Variants in SLC8A1 observed in about 807,000 individuals in gnomAD.
The protein encoded by SLC8A1 is solute carrier family 8 member A1.
Under a neutral mutation model 68.3 loss-of-function variants are expected in SLC8A1, and 18 were observed. The ratio of observed to expected loss-of-function variants is 0.26; its 90% confidence interval spans 0.18 to 0.39. SLC8A1 has a LOEUF of 0.39. SLC8A1 is among the 10% of genes least tolerant of loss of function. SLC8A1 has a pLI of 1.00. For missense variants in SLC8A1, 985 were observed against 1,156.7 expected, an observed-to-expected ratio of 0.85 and a Z score of 2.15; for synonymous variants, 475 against 415.5, an observed-to-expected ratio of 1.14 and a Z score of -1.74.
chr2:40,242,654 C>T (rs963671193), intron 2 of SLC8A1, among the ~76,000 whole-genome samples: 2 of 152,200 alleles, frequency 1.3e-5, no homozygotes, highest in Non-Finnish European at 2.9e-5. Flanking sequence ...TCAACATTTA[C>T]TCATGGTATT....
intron 2 of SLC8A1, among the ~76,000 whole-genome samples, chr2:40,340,867 G>A (rs890293668): frequency 9.9e-5 from 15 of 152,106 alleles, no homozygotes; most frequent in Admixed American, 4.6e-4. Context: ...GAGATAGCAC[G>A]CACCCCTCTC....
chr2:40,211,895 C>G (rs1004835086), intron 2 of SLC8A1, among the ~76,000 whole-genome samples: 8 of 152,104 alleles, frequency 5.3e-5, no homozygotes, highest in African/African-American at 1.9e-4. Context: ...CTGTCACACA[C>G]TAAAAACATA....
intron 2 of SLC8A1, among the ~76,000 whole-genome samples, chr2:40,366,804 G>C (rs758450155): frequency 2.0e-5 from 3 of 150,080 alleles, no homozygotes; most frequent in Non-Finnish European, 3.0e-5. Flanking sequence ...TGAAAATGTT[G>C]ATGAAAATAT....
chr2:40,410,359 A>C (rs1389119497), intron 2 of SLC8A1, among the ~76,000 whole-genome samples: 1 of 152,146 alleles, frequency 6.6e-6, no homozygotes, highest in Non-Finnish European at 1.5e-5. Context: ...CACATTGAAA[A>C]TAATTTCATT....
intron 2 of SLC8A1, among the ~76,000 whole-genome samples, chr2:40,270,541 A>T (rs2065899596): frequency 6.6e-6 from 1 of 152,120 alleles, no homozygotes; most frequent in Admixed American, 6.5e-5. Context: ...AGTCAGCAAC[A>T]TTGCATCTCT....
intron 2 of SLC8A1, among the ~76,000 whole-genome samples, chr2:40,308,801 A>T (rs78641931): frequency 0.025 from 3,775 of 152,244 alleles, 152 homozygotes; most frequent in African/African-American, 0.085. Context: ...AACGCTGCAA[A>T]GGGCAAAACT....
At chr2:40,400,885 G>A (rs962681648) in intron 2 of SLC8A1, among the ~76,000 whole-genome samples, 2 of 152,170 alleles carry the variant, frequency 1.3e-5, no homozygotes, top group Non-Finnish European at 2.9e-5. Flanking sequence ...AGCAAAGGCA[G>A]GAAATGGGCA....
chr2:40,386,756 C>T lies in SLC8A1; in HGVS notation c.1808+41717G>A, dbSNP rs1000749879. 1.3e-5 allele frequency among the ~76,000 whole-genome samples: 2 copies of T among 150,850 alleles called. 1 individual carries two copies. Among genetic ancestry groups the T allele is most frequent in the African/African-American group, 4.9e-5 (2 of 40,474 alleles). ...CCATGATGGATGAGCATTGGTTACT[C>T]CTCATTGCTGGAGGTTTTATAAGCA... On this transcript the variant is annotated intron_variant, in intron 2 of 7. Transcript: ENST00000406785.
intron 2 of SLC8A1, among the ~76,000 whole-genome samples, chr2:40,332,301 T>G (rs1304314328): frequency 6.6e-6 from 1 of 152,102 alleles, no homozygotes; most frequent in African/African-American, 2.4e-5. Context: ...AAGAGCTCTG[T>G]TTTTCATTAA....
intron 2 of SLC8A1, among the ~76,000 whole-genome samples, chr2:40,325,795 A>G (rs985236835): frequency 6.7e-6 from 1 of 150,068 alleles, no homozygotes; most frequent in East Asian, 1.9e-4. Flanking sequence ...AAAAAAAAAA[A>G]AAAAAAAAAG....
intron 2 of SLC8A1, among the ~76,000 whole-genome samples, chr2:40,416,331 C>T (rs1382215207): frequency 1.3e-5 from 2 of 152,102 alleles, no homozygotes; most frequent in Non-Finnish European, 2.9e-5. Context: ...TATAATTCTA[C>T]AAGTTCATAA....
At chr2:40,474,305 A>G (rs146554862) in intron 1 of SLC8A1, among the ~76,000 whole-genome samples, 254 of 152,312 alleles carry the variant, frequency 1.7e-3, no homozygotes, top group Non-Finnish European at 2.9e-3. Flanking sequence ...TCTTTGGGAC[A>G]TGTATTTAAT....
intron 2 of SLC8A1, among the ~76,000 whole-genome samples, chr2:40,312,630 T>C (rs943087165): frequency 6.6e-6 from 1 of 152,162 alleles, no homozygotes; most frequent in Non-Finnish European, 1.5e-5. Flanking sequence ...TCTATAAGGA[T>C]GGACTTCTGA....
chr2:40,216,401 T>C (rs1341430591), intron 2 of SLC8A1, among the ~76,000 whole-genome samples: 1 of 152,200 alleles, frequency 6.6e-6, no homozygotes, highest in Non-Finnish European at 1.5e-5. Flanking sequence ...ATCTAGTCTA[T>C]CATTGATGGG....
At chr2:40,224,642 C>T (rs1457328236) in intron 2 of SLC8A1, among the ~76,000 whole-genome samples, 1 of 152,064 alleles carries the variant, frequency 6.6e-6, no homozygotes, top group East Asian at 1.9e-4. Flanking sequence ...ATTGCTTAGG[C>T]TTTGAGTTAG....
At position 40,247,961 on chromosome 2, in the gene SLC8A1, G is replaced by A. The variant is rs1168577529; in HGVS notation, c.1809-70106C>T. ...ACTCAATGCTCAGTAAAGTGGCAGAGCAATATTTTATAAGCGTGTGTTCCG... is the reference window on the plus strand; with the variant it reads ...ACTCAATGCTCAGTAAAGTGGCAGAACAATATTTTATAAGCGTGTGTTCCG... On this transcript the variant is annotated intron_variant, in intron 2 of 7. Coordinates refer to ENST00000406785, the Ensembl canonical transcript of SLC8A1. Among the ~76,000 whole-genome samples the A allele has an allele frequency of 3.3e-5, 5 of 152,182 alleles. No individual in the cohort carries two copies. The East Asian group carries it at 9.6e-4, about 29-fold the overall frequency.
chr2:40,461,325 T>C (rs1019945797), intron 1 of SLC8A1, among the ~76,000 whole-genome samples: 7 of 152,182 alleles, frequency 4.6e-5, no homozygotes, highest in African/African-American at 1.4e-4. Context: ...AGACCCTTCG[T>C]TGGTTTTATT....
In SLC8A1 at chr2:40,477,508, C is replaced by T. The variant is rs569223799; in HGVS notation, c.-25+34841G>A. ...CAATGTCTTAGATACGAACCCTCAA[C>T]TTTTCAAGCACCACCCAAATGCCAA... is the stretch of plus-strand genomic sequence containing the variant. On this transcript the variant is annotated intron_variant, in intron 1 of 7. Transcript: ENST00000402441. Among the ~76,000 whole-genome samples, 12 of 152,276 alleles carry T rather than the reference C, an allele frequency of 7.9e-5. No homozygotes were observed. In the South Asian group the frequency reaches 2.5e-3, roughly 32 times the overall value.
chr2:40,485,420 T>C (rs1452514674), intron 1 of SLC8A1, among the ~76,000 whole-genome samples: 1 of 152,140 alleles, frequency 6.6e-6, no homozygotes, highest in African/African-American at 2.4e-5. Flanking sequence ...ATGGAAATAA[T>C]CATAAAAGCA....
Sources: gnomAD v4.1 joint callset for allele counts (sites outside exome capture counted in the v4.1 genomes callset) on GRCh38, gnomAD v4.1.1 for gene constraint, MANE v1.5 for transcripts, NCBI Gene and HGNC (gene_info 2026-07-23, HGNC 2026-07-21) for gene names.